TAFA5: variants seen among roughly 807,000 people sequenced by gnomAD.
TAFA5 encodes chemokine-like protein TAFA-5.
TAFA5 carries 6 observed loss-of-function variants against 15.3 expected under a neutral mutation model. That is an observed-to-expected ratio of 0.39 (90% CI 0.21 to 0.77). The LOEUF is 0.77. TAFA5 is among the 30% of genes least tolerant of loss of function. TAFA5 has a pLI of 0.41. For missense variants in TAFA5, 161 were observed against 193.1 expected (o/e 0.83, Z 0.98); for synonymous variants, 103 against 80.7 (o/e 1.28, Z -1.48).
At chr22:48,614,205 C>T (rs992283904) in intron 1 of TAFA5, among the ~76,000 whole-genome samples, 2 of 152,196 alleles carry the variant, frequency 1.3e-5, no homozygotes, top group African/African-American at 4.8e-5. Context: ...GGGGCCCGAA[C>T]CATTCCTCAC....
intron 1 of TAFA5, among the ~76,000 whole-genome samples, chr22:48,595,825 A>G (rs948336513): frequency 2.0e-5 from 3 of 152,282 alleles, no homozygotes; most frequent in Non-Finnish European, 4.4e-5. Context: ...TACAAGCTGC[A>G]TAAATTAAAA....
intron 1 of TAFA5, among the ~76,000 whole-genome samples, chr22:48,571,412 T>A (rs1208963213): frequency 3.3e-5 from 5 of 151,220 alleles, no homozygotes; most frequent in African/African-American, 1.2e-4. Flanking sequence ...GTACCTGGGA[T>A]TACAGGCACC....
intron 3 of TAFA5, among the ~76,000 whole-genome samples, chr22:48,712,127 G>A (rs1454543735): frequency 2.0e-5 from 3 of 152,170 alleles, no homozygotes; most frequent in Non-Finnish European, 4.4e-5. Flanking sequence ...CACAATCTTG[G>A]CTCACTGCAA....
At chr22:48,674,661 AC>A (rs2147224517) in intron 2 of TAFA5, among the ~76,000 whole-genome samples, 1 of 148,938 alleles carries the variant, frequency 6.7e-6, no homozygotes, top group East Asian at 2.3e-4. Context: ...AAAGGCAGGG[AC>A]AGTGGGAGGT....
Position 48,712,829 on chromosome 22 carries a change from C to A in TAFA5, c.390+4985C>A, listed in dbSNP as rs576471510. The stretch of plus-strand genomic sequence containing the variant: ...TCCTGTGCTCTGCCTCTGCCTTCCT[C>A]TGTCCTTGAGTTGGGCTCTCAGAGC... On this transcript the variant is annotated intron_variant, in intron 3 of 3. Transcript: ENST00000402357. 2.6e-5 allele frequency among the ~76,000 whole-genome samples: 4 copies of A among 152,376 alleles called. No homozygotes were observed. In the South Asian group the frequency reaches 8.3e-4, roughly 32 times the overall value.
intron 3 of TAFA5, among the ~76,000 whole-genome samples, chr22:48,745,044 C>T (rs1338196739): frequency 6.6e-6 from 1 of 152,226 alleles, no homozygotes; most frequent in Non-Finnish European, 1.5e-5. Flanking sequence ...GCGTGAGCCA[C>T]TGCGCCCGGC....
chr22:48,725,175 C>T (rs1240241932), intron 3 of TAFA5, among the ~76,000 whole-genome samples: 2 of 152,232 alleles, frequency 1.3e-5, no homozygotes, highest in Non-Finnish European at 2.9e-5. Context: ...ACCTTTCAGG[C>T]CATCCCGGAG....
intron 2 of TAFA5, among the ~76,000 whole-genome samples, chr22:48,684,754 C>T (rs1928301714): frequency 6.6e-6 from 1 of 152,152 alleles, no homozygotes; most frequent in Non-Finnish European, 1.5e-5. Flanking sequence ...GCTGAGAACT[C>T]CAATTCCTTG....
At chr22:48,512,939 A>T (rs200408532) in intron 1 of TAFA5, among the ~76,000 whole-genome samples, 41 of 104,196 alleles carry the variant, frequency 3.9e-4, no homozygotes, top group African/African-American at 1.5e-3. Flanking sequence ...AAAAAAAAAA[A>T]AAAAAGAGAG....
intron 1 of TAFA5, among the ~76,000 whole-genome samples, chr22:48,505,259 G>A (rs918822047): frequency 2.0e-5 from 3 of 152,200 alleles, no homozygotes; most frequent in South Asian, 2.1e-4. Flanking sequence ...GTCACCCTGC[G>A]TGGCCCCACG....
chr22:48,639,533 C>T (rs1198016329), intron 1 of TAFA5, among the ~76,000 whole-genome samples: 1 of 152,220 alleles, frequency 6.6e-6, no homozygotes, highest in African/African-American at 2.4e-5. Context: ...GCTCCAGACA[C>T]CCTGAGGGCC....
At chr22:48,592,662 C>A (rs1207746309) in intron 1 of TAFA5, among the ~76,000 whole-genome samples, 2 of 152,108 alleles carry the variant, frequency 1.3e-5, no homozygotes, top group South Asian at 2.1e-4. Context: ...TCCCTCCCTC[C>A]CTCACTCCCT....
chr22:48,701,267 G>T (rs2077843229), intron 2 of TAFA5, among the ~76,000 whole-genome samples: 1 of 152,082 alleles, frequency 6.6e-6, no homozygotes, highest in African/African-American at 2.4e-5. Context: ...CCTCCACCCT[G>T]CATGCGTGTC....
At chr22:48,575,824 C>T (rs1923758654) in intron 1 of TAFA5, among the ~76,000 whole-genome samples, 2 of 143,140 alleles carry the variant, frequency 1.4e-5, no homozygotes, top group Non-Finnish European at 3.1e-5. Context: ...GATGGTGCGG[C>T]AGCCCCGCGC....
chr22:48,744,823 G>A (rs995066794), intron 3 of TAFA5, among the ~76,000 whole-genome samples: 3 of 152,002 alleles, frequency 2.0e-5, no homozygotes, highest in Admixed American at 1.3e-4. Context: ...GCAGTGGCAC[G>A]ATCTCGGCTC....
At chr22:48,657,748 G>A (rs1208966284) in intron 2 of TAFA5, among the ~76,000 whole-genome samples, 1 of 152,158 alleles carries the variant, frequency 6.6e-6, no homozygotes, top group African/African-American at 2.4e-5. Context: ...AAGGCGCTCT[G>A]TGAATGTCAG....
At chr22:48,513,741 C>T (rs1453076020) in intron 1 of TAFA5, among the ~76,000 whole-genome samples, 1 of 152,216 alleles carries the variant, frequency 6.6e-6, no homozygotes, top group Non-Finnish European at 1.5e-5. Flanking sequence ...TCCATGGGGG[C>T]AGTCCCAGTG....
At chr22:48,689,426 G>A (rs541847438) in intron 2 of TAFA5, among the ~76,000 whole-genome samples, 13 of 152,140 alleles carry the variant, frequency 8.5e-5, no homozygotes, top group African/African-American at 1.9e-4. Context: ...CTTGGGACAC[G>A]TTCACCCCAG....
chr22:48,597,433 A>C (rs879654653), intron 1 of TAFA5, among the ~76,000 whole-genome samples: 4 of 143,306 alleles, frequency 2.8e-5, no homozygotes, highest in Admixed American at 6.9e-5. Context: ...TCACATGCAG[A>C]GTGTCCTGGG....
Sources: allele counts gnomAD v4.1 joint callset (sites outside exome capture counted in the v4.1 genomes callset), GRCh38; gene constraint gnomAD v4.1.1; transcripts MANE v1.5; gene names NCBI Gene and HGNC (gene_info 2026-07-23, HGNC 2026-07-21).